HMCN1: variants seen among roughly 807,000 people sequenced by gnomAD.
HMCN1 encodes hemicentin 1.
HMCN1 carries 321 observed loss-of-function variants against 625.9 expected under a neutral mutation model. The observed-to-expected ratio is 0.51, with a 90% confidence interval of 0.47 to 0.56. HMCN1 has a LOEUF of 0.56. Ranked by LOEUF, HMCN1 falls within the 20% of genes least tolerant of loss-of-function variation. The pLI is 0.00. For missense variants in HMCN1, 6,588 were observed against 6,887.3 expected (o/e 0.96, Z 1.54); for synonymous variants, 2,425 against 2,417.6 (o/e 1.00, Z -0.09).
intron 1 of HMCN1, among the ~76,000 whole-genome samples, chr1:185,771,793 G>A (rs775877300): frequency 2.7e-4 from 41 of 152,278 alleles, no homozygotes; most frequent in South Asian, 1.5e-3. Flanking sequence ...TGTTGATACA[G>A]ATAGAGGTAA....
intron 89 of HMCN1, among the ~76,000 whole-genome samples, chr1:186,141,669 C>T (rs1649972140): frequency 6.6e-6 from 1 of 152,200 alleles, no homozygotes; most frequent in African/African-American, 2.4e-5. Context: ...CTAGCTTACA[C>T]TTATGTAGGA....
At chr1:186,171,813 G>A (rs1652251195) in intron 101 of HMCN1, among the ~76,000 whole-genome samples, 193 bp from the exon 102 acceptor site, 2 of 151,934 alleles carry the variant, frequency 1.3e-5, no homozygotes, top group African/African-American at 2.4e-5. Flanking sequence ...AATATTTTGT[G>A]TTTGTTTTTG....
At chr1:186,068,077 G>A (rs1658242634) in intron 50 of HMCN1, 70 bp downstream of exon 50, 1 of 1,381,274 alleles carries the variant, frequency 7.2e-7, no homozygotes, top group Admixed American at 1.7e-5. Context: ...CAGAATCATT[G>A]GTTACTTTTT....
At chr1:186,126,855 C>T (rs898680597) in intron 82 of HMCN1, among the ~76,000 whole-genome samples, 3 of 151,922 alleles carry the variant, frequency 2.0e-5, no homozygotes, top group African/African-American at 7.3e-5. Context: ...ATCTTATATG[C>T]CTTAAATTTT....
chr1:185,777,427 C>G (rs1177227712), intron 1 of HMCN1, among the ~76,000 whole-genome samples: 1 of 151,926 alleles, frequency 6.6e-6, no homozygotes, highest in Non-Finnish European at 1.5e-5. Context: ...GTATGCACAA[C>G]TGCGGTGCAC....
intron 15 of HMCN1, among the ~76,000 whole-genome samples, chr1:185,976,489 G>A (rs1558110331): frequency 6.6e-6 from 1 of 152,154 alleles, no homozygotes; most frequent in Non-Finnish European, 1.5e-5. Context: ...GAAGAAAAGT[G>A]ATCTCTGTAG....
intron 57 of HMCN1, among the ~76,000 whole-genome samples, chr1:186,084,848 G>A (rs1659378203): frequency 6.6e-6 from 1 of 152,052 alleles, no homozygotes; most frequent in Admixed American, 6.6e-5. Flanking sequence ...ATAACCATAT[G>A]TGCTTGCTAC....
chr1:185,974,335 T>G (rs1651047385), intron 15 of HMCN1, among the ~76,000 whole-genome samples: 1 of 152,206 alleles, frequency 6.6e-6, no homozygotes, highest in South Asian at 2.1e-4. Flanking sequence ...AGTGTTTATA[T>G]CTCAGTGATT....
rs371558969 is a variant in HMCN1 at position 185,911,779 on chromosome 1, A to C, written c.899A>C (p.Lys300Thr). 1 of 1,603,342 alleles carries C rather than the reference A, an allele frequency of 6.2e-7. No individual in the cohort carries two copies. Among genetic ancestry groups the C allele is most frequent in the Non-Finnish European group, 8.5e-7 (1 of 1,170,450 alleles). ...KEPEAGMWTVKTSSSGRHSVR... is the reference protein window; with the variant it reads ...KEPEAGMWTVTTSSSGRHSVR... The stretch of plus-strand genomic sequence containing the variant: ...CCAGAGGCTGGAATGTGGACAGTGA[A>C]GGTACGGTTGTTTCACAAAGTTTGT... Residue 300 changes from lysine (K) to threonine (T), a missense_variant and splice_region_variant, in exon 6 of 107, where the codon AAG becomes ACG. Physicochemically the swap from Lys to Thr is moderately conservative, Grantham distance 78. Around this residue, in one of 3 missense-constraint regions of HMCN1, gnomAD observed 4,628 missense variants for 4,853.1 expected, o/e 0.95. Transcript: ENST00000271588.
rs1654341277 is a variant in HMCN1 at position 186,015,998 on chromosome 1, T to A, written c.4950T>A (p.Asn1650Lys). 6.2e-7 allele frequency: 1 copy of A among 1,613,502 alleles called. No homozygotes were observed. Among genetic ancestry groups the A allele is most frequent in the African/African-American group, 1.3e-5 (1 of 75,040 alleles). ...AAGGCAACTTGGCCACGCCTTTGAA[T>A]AAGCAAGTAGTTATTGCTCATTCTC... ...MIEGNLATPLNKQVVIAHSLT... is the reference protein window; with the variant it reads ...MIEGNLATPLKKQVVIAHSLT... Residue 1650 changes from asparagine (N) to lysine (K), a missense_variant, in exon 32 of 107, where the codon AAT becomes AAA. Physicochemically the swap from Asn to Lys is moderately conservative, Grantham distance 94. Around this residue, in one of 3 missense-constraint regions of HMCN1, gnomAD observed 4,628 missense variants for 4,853.1 expected, o/e 0.95. Coordinates refer to ENST00000271588, the MANE Select transcript of HMCN1 (RefSeq NM_031935.3).
At chr1:185,925,238 A>G (rs750932401) in intron 9 of HMCN1, 47 bp downstream of exon 9, 5 of 1,531,390 alleles carry the variant, frequency 3.3e-6, no homozygotes, top group Non-Finnish European at 4.5e-6. Flanking sequence ...TTTAACATGT[A>G]AATATAAATA....
chr1:185,777,693 G>T (rs543473752), intron 1 of HMCN1, among the ~76,000 whole-genome samples: 1 of 152,044 alleles, frequency 6.6e-6, no homozygotes, highest in African/African-American at 2.4e-5. Flanking sequence ...CTGGTGATCC[G>T]CCCGCCTCAG....
At chr1:186,081,468 T>A in intron 56 of HMCN1, 74 bp downstream of exon 56, 1 of 1,053,316 alleles carries the variant, frequency 9.5e-7, no homozygotes, top group Admixed American at 2.0e-5. Flanking sequence ...TTTTGACTTT[T>A]AAAAATAATT....
intron 36 of HMCN1, among the ~76,000 whole-genome samples, chr1:186,029,028 G>A (rs1033761836): frequency 3.3e-5 from 5 of 151,920 alleles, no homozygotes; most frequent in Admixed American, 6.6e-5. Flanking sequence ...CACTGTGCCT[G>A]GCCATATAAA....
chr1:185,974,110 A>G (rs1651030754), intron 15 of HMCN1, among the ~76,000 whole-genome samples: 1 of 152,222 alleles, frequency 6.6e-6, no homozygotes, highest in Admixed American at 6.5e-5. Context: ...AAGTTACAGC[A>G]AAGTTATACT....
intron 1 of HMCN1, among the ~76,000 whole-genome samples, chr1:185,816,886 G>T (rs1380465558): frequency 6.6e-6 from 1 of 152,116 alleles, no homozygotes; most frequent in Admixed American, 6.5e-5. Flanking sequence ...TTGATGCTGT[G>T]GCCTGGACTT....
intron 71 of HMCN1, among the ~76,000 whole-genome samples, chr1:186,110,654 G>C (rs547061550): frequency 6.6e-6 from 1 of 152,290 alleles, no homozygotes; most frequent in East Asian, 1.9e-4. Context: ...TTTGCTGAAA[G>C]AAAGAGATTG....
Position 186,007,393 on chromosome 1 carries a change from A to G in HMCN1, c.4630+111A>G. ...CATACTGAATAATTTGGAATACTAC[A>G]TACTTCAAGAGAAGAAGGAGCTTAT... On this transcript the variant is annotated intron_variant, in intron 30 of 106. Coordinates refer to ENST00000271588, the MANE Select transcript of HMCN1 (RefSeq NM_031935.3). The G allele has an allele frequency of 4.1e-6, 4 of 964,358 alleles. No homozygotes were observed. The South Asian group carries it at 5.6e-5, about 14-fold the overall frequency. 59.7% of individuals were successfully genotyped at this position (964,358 alleles called of 1,614,324 possible).
At chr1:186,080,889 G>A (rs1558204996) in intron 55 of HMCN1, among the ~76,000 whole-genome samples, 1 of 152,124 alleles carries the variant, frequency 6.6e-6, no homozygotes, top group Non-Finnish European at 1.5e-5. Flanking sequence ...TGAAAACTCA[G>A]AAGGTATAGT....
Sources: gnomAD v4.1 joint callset for allele counts (sites outside exome capture counted in the v4.1 genomes callset) on GRCh38, gnomAD v4.1.1 for gene constraint, gnomAD v4.1.1 regional missense constraint, MANE v1.5 for transcripts, NCBI Gene and HGNC (gene_info 2026-07-23, HGNC 2026-07-21) for gene names.